The following DCAF6 variants were observed in gnomAD, a reference collection of about 807,000 sequenced individuals.
DCAF6 encodes the protein DDB1- and CUL4-associated factor 6.
A neutral mutation model predicts 125.1 loss-of-function variants in DCAF6; 54 were observed. That is an observed-to-expected ratio of 0.43 (90% CI 0.35 to 0.54). The LOEUF is 0.54. Ranked by LOEUF, DCAF6 falls within the 20% of genes least tolerant of loss-of-function variation. The pLI is 0.01. For missense variants in DCAF6, 934 were observed against 1,161.7 expected, an observed-to-expected ratio of 0.80 and a Z score of 2.85; for synonymous variants, 371 against 390.4, an observed-to-expected ratio of 0.95 and a Z score of 0.58.
At chr1:168,053,234 T>A (rs1690184079) in intron 17 of DCAF6, among the ~76,000 whole-genome samples, 1 of 152,170 alleles carries the variant, frequency 6.6e-6, no homozygotes, top group Non-Finnish European at 1.5e-5. Context: ...GTGCATTGTA[T>A]ATTTGTATGT....
intron 11 of DCAF6, among the ~76,000 whole-genome samples, chr1:168,017,892 T>C (rs1685186493): frequency 6.6e-6 from 1 of 152,198 alleles, no homozygotes; most frequent in African/African-American, 2.4e-5. Context: ...TATCAATTAG[T>C]GGTGATAGTG....
the DCAF6 span, among the ~76,000 whole-genome samples, chr1:167,876,257 CAA>C: frequency 1.3e-3 from 110 of 85,062 alleles, no homozygotes; most frequent in African/African-American, 3.7e-3. Flanking sequence ...AGCTCCATCT[CAA>C]AAAAAAAAAA....
At chr1:167,933,346 T>C (rs1670967991), upstream of DCAF6, among the ~76,000 whole-genome samples, 1 of 152,102 alleles carries the variant, frequency 6.6e-6, no homozygotes, top group Non-Finnish European at 1.5e-5. Flanking sequence ...TTTTGTATTT[T>C]AGTAGAGATA....
At chr1:167,990,996 A>G (rs552618914) in intron 5 of DCAF6, among the ~76,000 whole-genome samples, 21 of 152,206 alleles carry the variant, frequency 1.4e-4, no homozygotes, top group Admixed American at 3.9e-4. Flanking sequence ...TTGATTTCAC[A>G]TAGGCTGAAT....
At chr1:167,886,490 G>A in the DCAF6 span, among the ~76,000 whole-genome samples, 1 of 152,136 alleles carries the variant, frequency 6.6e-6, no homozygotes, top group Non-Finnish European at 1.5e-5. Context: ...AAACTGGCTA[G>A]CCATATGTAG....
chr1:167,915,668 C>A, the DCAF6 span, among the ~76,000 whole-genome samples: 118 of 152,200 alleles, frequency 7.8e-4, 1 homozygote, highest in South Asian at 0.023. Flanking sequence ...TCAGTCTTGT[C>A]GCGAACTCCT....
the DCAF6 span, among the ~76,000 whole-genome samples, chr1:167,929,249 T>C: frequency 2.5e-4 from 38 of 152,114 alleles, no homozygotes; most frequent in Middle Eastern, 0.017. Flanking sequence ...TCCCAGCTAC[T>C]TGGGAAGGTT....
intron 14 of DCAF6, 53 bp downstream of exon 14, chr1:168,043,193 T>G (rs1688769992): frequency 1.5e-6 from 2 of 1,310,928 alleles, no homozygotes; most frequent in African/African-American, 2.9e-5. Context: ...TGGATGTTTA[T>G]CTACTTTCCT....
At chr1:167,880,749 T>C in the DCAF6 span, 5 of 717,414 alleles carry the variant, frequency 7.0e-6, no homozygotes, top group Admixed American at 7.9e-5. Flanking sequence ...CAGTATTTTA[T>C]TTTTAGTACA....
intron 12 of DCAF6, among the ~76,000 whole-genome samples, chr1:168,038,109 A>G (rs765327569): frequency 1.3e-5 from 2 of 152,204 alleles, no homozygotes; most frequent in Non-Finnish European, 2.9e-5. Context: ...CCTAATGACT[A>G]AATATGGTTC....
At chr1:167,878,163 A>G in the DCAF6 span, among the ~76,000 whole-genome samples, 1 of 152,202 alleles carries the variant, frequency 6.6e-6, no homozygotes, top group East Asian at 1.9e-4. Context: ...TTGGGTGCAA[A>G]TAGATACTCA....
the DCAF6 span, among the ~76,000 whole-genome samples, chr1:167,866,750 TAAAAAAA>T: frequency 8.1e-6 from 1 of 123,098 alleles, no homozygotes; most frequent in African/African-American, 2.9e-5. Context: ...AAAGTTCACT[TAAAAAAA>T]AAAAAAAAAG....
chr1:167,917,902 C>CCACT, the DCAF6 span: 2 of 154,776 alleles, frequency 1.3e-5, no homozygotes, highest in African/African-American at 4.8e-5. Flanking sequence ...GATAGTCATT[C>CCACT]CACTACCCAT....
intron 3 of DCAF6, among the ~76,000 whole-genome samples, chr1:167,971,218 C>T (rs1286630220): frequency 6.6e-6 from 1 of 152,152 alleles, no homozygotes; most frequent in Non-Finnish European, 1.5e-5. Flanking sequence ...ATTTCTCTAA[C>T]ATTTCCTGGA....
At chr1:167,896,323 G>A in the DCAF6 span, among the ~76,000 whole-genome samples, 3 of 152,172 alleles carry the variant, frequency 2.0e-5, no homozygotes, top group Non-Finnish European at 4.4e-5. Context: ...ACGGAAAGAA[G>A]CTTTACTTTT....
At chr1:167,999,039 GC>G (rs1395427730) in intron 7 of DCAF6, among the ~76,000 whole-genome samples, 1 of 152,068 alleles carries the variant, frequency 6.6e-6, no homozygotes. Flanking sequence ...GGCAGCTATA[GC>G]CTTACAAAAT....
chr1:168,002,334 T>A, intron 7 of DCAF6, 148 bp from the exon 8 acceptor site: 1 of 614,890 alleles, frequency 1.6e-6, no homozygotes, highest in Non-Finnish European at 2.9e-6. Context: ...CTGACGCTTA[T>A]ACCAGTGTCT....
At chr1:168,032,780 T>C (rs1195584199) in intron 12 of DCAF6, among the ~76,000 whole-genome samples, 14 of 152,192 alleles carry the variant, frequency 9.2e-5, no homozygotes, top group Admixed American at 8.5e-4. Flanking sequence ...TATAAAGTTA[T>C]AATAGGGACC....
chr1:168,044,995 T>G lies in DCAF6; in HGVS notation c.2026T>G (p.Ser676Ala), dbSNP rs763968446. Residue 676 changes from serine (S) to alanine (A), a missense_variant, in exon 16 of 22, where the codon TCT (serine) becomes GCT (alanine). Ser to Ala is a moderately conservative substitution (Grantham distance 99, BLOSUM62 1). This residue lies in a region of DCAF6 where 559 missense variants were observed against 635.5 expected (regional missense o/e 0.88). Transcript: ENST00000367840. ...TCGCTCTTGTGGGGTTCCAGAAGAA[T>G]CTGCTTCATCTGAAAAAGCCAAGGA... The part of the protein sequence containing the change: ...LDRSCGVPEE[S>A]ASSEKAKEPE... 2 of 1,613,998 alleles carry G rather than the reference T, an allele frequency of 1.2e-6. No individual in the cohort carries two copies. Among genetic ancestry groups the G allele is most frequent in the East Asian group, 2.2e-5 (1 of 44,890 alleles).
Sources: gnomAD v4.1 joint callset for allele counts (sites outside exome capture counted in the v4.1 genomes callset) on GRCh38, gnomAD v4.1.1 for gene constraint, gnomAD v4.1.1 regional missense constraint, MANE v1.5 for transcripts, NCBI Gene and HGNC (gene_info 2026-07-23, HGNC 2026-07-21) for gene names.